Variants in JAKMIP1 observed in about 807,000 individuals in gnomAD.
The protein encoded by JAKMIP1 is janus kinase and microtubule-interacting protein 1.
In JAKMIP1, 33 loss-of-function variants were observed where a neutral mutation model predicts 113.0. The ratio of observed to expected loss-of-function variants is 0.29; its 90% CI spans 0.22 to 0.39. The LOEUF (loss-of-function observed/expected upper bound fraction) is 0.39. Ranked by LOEUF, JAKMIP1 falls within the 10% of genes least tolerant of loss-of-function variation. The pLI is 1.00. For missense variants in JAKMIP1, 813 were observed against 1,080.5 expected, an observed-to-expected ratio of 0.75 and a Z score of 3.47; for synonymous variants, 480 against 459.9, an observed-to-expected ratio of 1.04 and a Z score of -0.56.
chr4:6,066,773 A>C (rs16838178), intron 8 of JAKMIP1, among the ~76,000 whole-genome samples: 2 of 151,472 alleles, frequency 1.3e-5, no homozygotes, highest in South Asian at 4.2e-4. Flanking sequence ...AGCCACCAAT[A>C]TCTCTCTCTC....
In JAKMIP1 at chr4:6,089,698, G is replaced by C. The variant is rs1368706504; in HGVS notation, c.625-4069C>G. On this transcript the variant is annotated intron_variant, in intron 3 of 20. Transcript: ENST00000409021. The surrounding 1 kb of genome is among the most constrained non-coding windows in gnomAD (Gnocchi z 5.3). ...AGCCCACTGACCCATGACTGATTTG[G>C]TGAGCTCCACTTTATTGCAAAGTTT... is the stretch of plus-strand genomic sequence containing the variant. Among the ~76,000 whole-genome samples the C allele has an allele frequency of 6.6e-6, 1 of 152,156 alleles. No individual in the cohort carries two copies. Among genetic ancestry groups the C allele is most frequent in the African/African-American group, 2.4e-5 (1 of 41,428 alleles).
At chr4:6,172,264 T>C (rs1245736426) in intron 1 of JAKMIP1, among the ~76,000 whole-genome samples, 1 of 152,222 alleles carries the variant, frequency 6.6e-6, no homozygotes, top group African/African-American at 2.4e-5. Context: ...CCCTCAGCTT[T>C]ACATCCTGTT....
chr4:6,126,815 A>C (rs1717734929), intron 1 of JAKMIP1, among the ~76,000 whole-genome samples: 1 of 151,938 alleles, frequency 6.6e-6, no homozygotes, highest in South Asian at 2.1e-4. Flanking sequence ...CACATCATAC[A>C]GAAACACAAC....
At chr4:6,043,380 G>A (rs1017527042) in intron 16 of JAKMIP1, among the ~76,000 whole-genome samples, 3 of 151,968 alleles carry the variant, frequency 2.0e-5, no homozygotes, top group African/African-American at 7.3e-5. Flanking sequence ...ACCCTCGCCA[G>A]GTCACCCCGC....
intron 12 of JAKMIP1, among the ~76,000 whole-genome samples, chr4:6,056,119 T>C: frequency 6.6e-6 from 1 of 150,884 alleles, no homozygotes; most frequent in East Asian, 2.0e-4. Flanking sequence ...GCCCTCCCCA[T>C]TTCTGCAGGG....
intron 19 of JAKMIP1, among the ~76,000 whole-genome samples, chr4:6,030,887 G>C (rs1021210788): frequency 1.3e-5 from 2 of 152,198 alleles, no homozygotes; most frequent in African/African-American, 4.8e-5. Context: ...CAGCTGGGGT[G>C]GGACCTGAGT....
chr4:6,177,266 A>G (rs1725451237), intron 1 of JAKMIP1, among the ~76,000 whole-genome samples: 1 of 152,182 alleles, frequency 6.6e-6, no homozygotes, highest in African/African-American at 2.4e-5. Flanking sequence ...AGGCCATCTG[A>G]TCCGACCTCC....
chr4:6,063,934 T>G (rs1017044765), intron 9 of JAKMIP1, among the ~76,000 whole-genome samples: 1 of 152,192 alleles, frequency 6.6e-6, no homozygotes, highest in Non-Finnish European at 1.5e-5. Flanking sequence ...CCTGGAGAAG[T>G]GCTCCCTCGC....
rs894052733 is a variant in JAKMIP1, at chr4:6,031,709, T to C, written c.2380-1928A>G. Among the ~76,000 whole-genome samples, 3 of 151,998 alleles carry C rather than the reference T, an allele frequency of 2.0e-5. No individual in the cohort carries two copies. Among genetic ancestry groups the C allele is most frequent in the Admixed American group, 2.0e-4 (3 of 15,258 alleles). On this transcript the variant is annotated intron_variant, in intron 19 of 20. Transcript: ENST00000409021. The surrounding 1 kb of genome is among the most constrained non-coding windows in gnomAD (Gnocchi z 4.4). ...TGATGAGCTTTTGATTTCAGGATGA[T>C]CACGGGGCAGCCAAACAGAATGGAT... is the stretch of plus-strand genomic sequence containing the variant.
chr4:6,180,363 G>A lies in JAKMIP1; in HGVS notation c.-148+19890C>T, dbSNP rs974472710. On this transcript the variant is annotated intron_variant, in intron 1 of 20. Coordinates refer to ENST00000409021, the MANE Select transcript of JAKMIP1 (RefSeq NM_001099433.2). The surrounding 1 kb of genome is among the most constrained non-coding windows in gnomAD (Gnocchi z 4.5). ...GCTTCCTTTAGAACATTCTGTGCAC[G>A]TGAAGTCTTCTTTCTTATTGAGATT... Among the ~76,000 whole-genome samples, 5 of 152,246 alleles carry A rather than the reference G, an allele frequency of 3.3e-5. No individual in the cohort carries two copies. The highest frequency in any genetic ancestry group is 2.1e-4 in the South Asian group (1 of 4,806).
In JAKMIP1 at chr4:6,076,227, A is replaced by G. The variant is rs1407283925; in HGVS notation, c.1302+2712T>C. On this transcript the variant is annotated intron_variant, in intron 8 of 20. Coordinates refer to ENST00000409021, the MANE Select transcript of JAKMIP1 (RefSeq NM_001099433.2). The surrounding 1 kb of genome is among the most constrained non-coding windows in gnomAD (Gnocchi z 4.8). ...AATAAAATAAACAAACAAACAAATA[A>G]ATATAGACAAGTTCTACTCAAACCA... Among the ~76,000 whole-genome samples the G allele has an allele frequency of 2.6e-5, 4 of 152,226 alleles. No homozygotes were observed.
At position 6,086,292 on chromosome 4, in the gene JAKMIP1, C is replaced by G. The variant is rs1389482240; in HGVS notation, c.625-663G>C. Among the ~76,000 whole-genome samples the G allele has an allele frequency of 6.6e-6, 1 of 152,124 alleles. No individual in the cohort carries two copies. Among genetic ancestry groups the G allele is most frequent in the African/African-American group, 2.4e-5 (1 of 41,418 alleles). ...CTCGGGCCTCTTCTCACTCTATATCCTCTCCCAGGCAGCCAGGTCCTCCCC... is the reference window on the plus strand; with the variant it reads ...CTCGGGCCTCTTCTCACTCTATATCGTCTCCCAGGCAGCCAGGTCCTCCCC... On this transcript the variant is annotated intron_variant, in intron 3 of 20. Coordinates refer to ENST00000409021, the MANE Select transcript of JAKMIP1 (RefSeq NM_001099433.2). This position sits in a 1 kb window ranked among gnomAD's most constrained non-coding sequence, Gnocchi z 4.1.
At chr4:6,075,401 GAT>G (rs1488298093) in intron 8 of JAKMIP1, among the ~76,000 whole-genome samples, 1 of 152,120 alleles carries the variant, frequency 6.6e-6, no homozygotes, top group East Asian at 1.9e-4. Flanking sequence ...GGCCCCGATG[GAT>G]CCAAGTATCA....
intron 1 of JAKMIP1, among the ~76,000 whole-genome samples, chr4:6,174,701 C>A (rs1170097277): frequency 6.6e-6 from 1 of 152,164 alleles, no homozygotes; most frequent in Admixed American, 6.5e-5. Context: ...TCCGTTACCC[C>A]AGGCTCTCCT....
Position 6,142,880 on chromosome 4 carries a change from A to G in JAKMIP1, c.-147-29883T>C, listed in dbSNP as rs913491501. Among the ~76,000 whole-genome samples the G allele has an allele frequency of 6.6e-6, 1 of 152,226 alleles. No homozygotes were observed. The highest frequency in any genetic ancestry group is 2.4e-5 in the African/African-American group (1 of 41,460). ...CGGAGGATGGAAAGGTTTAAGGGAC[A>G]TGGCCGGCAATGACAAAGCCCAGCC... On this transcript the variant is annotated intron_variant, in intron 1 of 20. Coordinates refer to ENST00000409021, the MANE Select transcript of JAKMIP1 (RefSeq NM_001099433.2). This position sits in a 1 kb window ranked among gnomAD's most constrained non-coding sequence, Gnocchi z 5.5.
rs899855912 is a variant in JAKMIP1, at chr4:6,139,132, G to C, written c.-147-26135C>G. 1.3e-5 allele frequency among the ~76,000 whole-genome samples: 2 copies of C among 151,474 alleles called. No individual in the cohort carries two copies. The highest frequency in any genetic ancestry group is 2.9e-5 in the Non-Finnish European group (2 of 67,958). ...AGCAGGTCAGCCCTGCTCTCCTCTGGACTCCTCTTATGCCTGAGCCCCACT... is the reference window on the plus strand; with the variant it reads ...AGCAGGTCAGCCCTGCTCTCCTCTGCACTCCTCTTATGCCTGAGCCCCACT... On this transcript the variant is annotated intron_variant, in intron 1 of 20. Coordinates refer to ENST00000409021, the MANE Select transcript of JAKMIP1 (RefSeq NM_001099433.2). The surrounding 1 kb of genome is among the most constrained non-coding windows in gnomAD (Gnocchi z 5.2).
rs1386120250 is a variant in JAKMIP1, at chr4:6,154,236, T to C, written c.-147-41239A>G. 1.3e-5 allele frequency among the ~76,000 whole-genome samples: 2 copies of C among 152,228 alleles called. No homozygotes were observed. The highest frequency in any genetic ancestry group is 4.8e-5 in the African/African-American group (2 of 41,458). On this transcript the variant is annotated intron_variant, in intron 1 of 20. Transcript: ENST00000409021. This position sits in a 1 kb window ranked among gnomAD's most constrained non-coding sequence, Gnocchi z 4.2. Reference sequence around the variant, plus strand: ...GAAGAAACAAGCAAATCACTGGACGTGCAGAGAGGCTGCACTGGGGAGAGT... The same window carrying C: ...GAAGAAACAAGCAAATCACTGGACGCGCAGAGAGGCTGCACTGGGGAGAGT...
intron 1 of JAKMIP1, among the ~76,000 whole-genome samples, chr4:6,161,375 G>C (rs916736750): frequency 6.9e-6 from 1 of 144,706 alleles, no homozygotes; most frequent in Non-Finnish European, 1.5e-5. Flanking sequence ...TTTGTGGTCC[G>C]ACCTATCTGG....
At position 6,169,702 on chromosome 4, in the gene JAKMIP1, A is replaced by T. The variant is rs115765121; in HGVS notation, c.-148+30551T>A. The stretch of plus-strand genomic sequence containing the variant: ...ATCACACCTAGGGTAACCCCAGCTT[A>T]GTGCAGGTCCTGAAGCCAGTCTACC... On this transcript the variant is annotated intron_variant, in intron 1 of 20. Coordinates refer to ENST00000409021, the MANE Select transcript of JAKMIP1 (RefSeq NM_001099433.2). 6.1e-3 allele frequency among the ~76,000 whole-genome samples: 928 copies of T among 151,434 alleles called. 10 individuals carry two copies. Among genetic ancestry groups the T allele is most frequent in the African/African-American group, 0.021 (862 of 41,174 alleles).
Sources: gnomAD v4.1 joint callset for allele counts (sites outside exome capture counted in the v4.1 genomes callset) on GRCh38, gnomAD v4.1.1 for gene constraint, Gnocchi (gnomAD v3.1) non-coding constraint, MANE v1.5 for transcripts, NCBI Gene and HGNC (gene_info 2026-07-23, HGNC 2026-07-21) for gene names.